The following TACC2 variants were observed in gnomAD, a reference collection of about 807,000 sequenced individuals.
TACC2 encodes transforming acidic coiled-coil containing protein 2.
TACC2 carries 137 observed loss-of-function variants against 227.3 expected under a neutral mutation model. That is an observed-to-expected ratio of 0.60 (90% CI 0.52 to 0.69). The LOEUF is 0.69. Ranked by LOEUF, TACC2 falls within the 30% of genes least tolerant of loss-of-function variation. The probability of loss-of-function intolerance (pLI) is 0.00; values close to 1 mark genes in which losing one functional copy is unlikely to be tolerated. For missense variants in TACC2, 3,470 were observed against 3,694.4 expected (o/e 0.94, Z 1.57); for synonymous variants, 1,523 against 1,487.5 (o/e 1.02, Z -0.55).
chr10:122,174,144 G>C (rs1039562372), intron 7 of TACC2, among the ~76,000 whole-genome samples: 5 of 152,094 alleles, frequency 3.3e-5, no homozygotes, highest in Non-Finnish European at 5.9e-5. Context: ...TTTTCCACTG[G>C]GTGCAACTAT....
chr10:122,186,085 C>T (rs554466492), intron 7 of TACC2, among the ~76,000 whole-genome samples: 14 of 151,804 alleles, frequency 9.2e-5, no homozygotes, highest in African/African-American at 3.1e-4. Flanking sequence ...CCCACCAGTA[C>T]GCCTGGCTAA....
At chr10:122,008,368 C>T (rs1197583263) in intron 1 of TACC2, among the ~76,000 whole-genome samples, 1 of 151,442 alleles carries the variant, frequency 6.6e-6, no homozygotes, top group African/African-American at 2.4e-5. Flanking sequence ...TCAAGCGATT[C>T]TCCTGCCTCA....
intron 9 of TACC2, among the ~76,000 whole-genome samples, chr10:122,214,919 G>A (rs1434531920): frequency 6.6e-6 from 1 of 152,026 alleles, no homozygotes; most frequent in African/African-American, 2.4e-5. Context: ...TCTCCTTGAG[G>A]ACCCCGAACT....
chr10:122,110,907 T>C (rs2083506846), intron 5 of TACC2, among the ~76,000 whole-genome samples: 1 of 152,220 alleles, frequency 6.6e-6, no homozygotes, highest in African/African-American at 2.4e-5. Context: ...TAGTGTTGTG[T>C]TCCTTTCTGG....
intron 5 of TACC2, among the ~76,000 whole-genome samples, chr10:122,092,598 T>C (rs576466185): frequency 2.0e-5 from 3 of 152,322 alleles, no homozygotes; most frequent in Admixed American, 6.5e-5. Context: ...GAAGGTAGCA[T>C]AAATTTGTTT....
At chr10:122,133,721 G>A (rs2088891822) in intron 6 of TACC2, among the ~76,000 whole-genome samples, 1 of 152,182 alleles carries the variant, frequency 6.6e-6, no homozygotes, top group Non-Finnish European at 1.5e-5. Flanking sequence ...GCTGAGAGAA[G>A]CCTGCATCTG....
intron 5 of TACC2, among the ~76,000 whole-genome samples, chr10:122,109,876 C>T (rs987620996): frequency 6.6e-6 from 1 of 152,122 alleles, no homozygotes; most frequent in African/African-American, 2.4e-5. Flanking sequence ...TGGGTAAGTC[C>T]ATCTCCTTCT....
chr10:122,061,344 T>TGGCTTGAG (rs2076805200), intron 3 of TACC2, among the ~76,000 whole-genome samples: 1 of 151,212 alleles, frequency 6.6e-6, no homozygotes, highest in Admixed American at 6.6e-5. Context: ...CCTGAAGCTT[T>TGGCTTGAG]GGCTTGAGTG....
chr10:122,001,823 T>G (rs916773467), intron 1 of TACC2, among the ~76,000 whole-genome samples: 68 of 152,318 alleles, frequency 4.5e-4, no homozygotes, highest in African/African-American at 1.6e-3. Context: ...CTCCAGAAAT[T>G]TCCTATGTCT....
intron 5 of TACC2, among the ~76,000 whole-genome samples, chr10:122,112,384 A>C (rs1193343340): frequency 2.0e-5 from 3 of 152,208 alleles, no homozygotes; most frequent in Non-Finnish European, 4.4e-5. Flanking sequence ...GGCAGCTGGA[A>C]TTGGTTTGGA....
intron 3 of TACC2, chr10:122,052,743 G>C (rs2075841815): frequency 2.0e-5 from 3 of 150,800 alleles, no homozygotes; most frequent in Non-Finnish European, 4.4e-5. Flanking sequence ...GCAGCTTCCT[G>C]TTCACAATTA....
At chr10:122,014,453 C>T (rs571206564) in intron 1 of TACC2, among the ~76,000 whole-genome samples, 2 of 152,284 alleles carry the variant, frequency 1.3e-5, no homozygotes, top group South Asian at 4.1e-4. Flanking sequence ...TCAGGCGATC[C>T]ACCTGCCTCA....
At chr10:122,181,780 A>G (rs928207339) in intron 7 of TACC2, among the ~76,000 whole-genome samples, 3 of 152,256 alleles carry the variant, frequency 2.0e-5, no homozygotes, top group Non-Finnish European at 4.4e-5. Flanking sequence ...GTATGAGAGA[A>G]CAGTGTGAAA....
At chr10:122,221,021 T>G (rs894817141) in intron 11 of TACC2, among the ~76,000 whole-genome samples, 1 of 152,210 alleles carries the variant, frequency 6.6e-6, no homozygotes, top group Non-Finnish European at 1.5e-5. Context: ...GTTGACCTAC[T>G]CACACTTTCC....
In TACC2 at chr10:122,121,281, G is replaced by A. The variant is rs542680539; in HGVS notation, c.5574-11328G>A. 3.6e-4 allele frequency among the ~76,000 whole-genome samples: 55 copies of A among 152,302 alleles called. No homozygotes were observed. The South Asian group carries it at 0.011, about 29-fold the overall frequency. Reference sequence around the variant, plus strand: ...CGCCAGCATTTGTGGAGCACTTTGCGTGTGCTGGGCACCTTGCTACAGAAA... The same window carrying A: ...CGCCAGCATTTGTGGAGCACTTTGCATGTGCTGGGCACCTTGCTACAGAAA... On this transcript the variant is annotated intron_variant, in intron 5 of 22. Coordinates refer to ENST00000369005, the MANE Select transcript of TACC2 (RefSeq NM_206862.4).
At chr10:122,234,740 C>T (rs970579462) in intron 16 of TACC2, among the ~76,000 whole-genome samples, 6 of 151,978 alleles carry the variant, frequency 3.9e-5, no homozygotes, top group African/African-American at 1.4e-4. Context: ...TTTTTTCATT[C>T]CCTTTCTTGT....
At chr10:122,068,671 C>CTTT (rs55740675) in intron 3 of TACC2, among the ~76,000 whole-genome samples, 39 of 146,832 alleles carry the variant, frequency 2.7e-4, no homozygotes, top group South Asian at 4.4e-4. Context: ...CCTCCGAAAC[C>CTTT]TTTTTTTTTT....
chr10:122,021,350 C>A (rs1957325748), intron 1 of TACC2, among the ~76,000 whole-genome samples: 1 of 152,128 alleles, frequency 6.6e-6, no homozygotes, highest in Admixed American at 6.5e-5. Context: ...TGGTCCCAAT[C>A]TCCCATTTTC....
At chr10:122,130,188 T>C (rs1323232713) in intron 5 of TACC2, among the ~76,000 whole-genome samples, 4 of 151,900 alleles carry the variant, frequency 2.6e-5, no homozygotes, top group Non-Finnish European at 4.4e-5. Flanking sequence ...TAGAGACAGG[T>C]TTTCACCATG....
Sources: gnomAD v4.1 joint callset for allele counts (sites outside exome capture counted in the v4.1 genomes callset) on GRCh38, gnomAD v4.1.1 for gene constraint, MANE v1.5 for transcripts, NCBI Gene and HGNC (gene_info 2026-07-23, HGNC 2026-07-21) for gene names.